The following WWC1 variants were observed in gnomAD, a reference collection of about 807,000 sequenced individuals.
WWC1 encodes protein KIBRA.
In WWC1, 55 loss-of-function variants were observed where a neutral mutation model predicts 138.4. The observed-to-expected ratio is 0.40, with a 90% CI of 0.32 to 0.50. WWC1 has a LOEUF of 0.50. WWC1 is among the 20% of genes least tolerant of loss of function. The pLI is 0.72. For synonymous variants in WWC1, 524 were observed against 564.9 expected, an observed-to-expected ratio of 0.93 and a Z score of 1.03; for missense variants, 1,226 against 1,420.4, an observed-to-expected ratio of 0.86 and a Z score of 2.20.
At chr5:168,414,896 C>G (rs1435664579) in intron 9 of WWC1, 3 of 315,614 alleles carry the variant, frequency 9.5e-6, no homozygotes, top group Non-Finnish European at 1.7e-5. Flanking sequence ...TTAAAGCAGT[C>G]ATTTTCCAAC....
rs1175057360 is a variant in WWC1, at chr5:168,292,987, C to T, written c.119+716C>T. 6.6e-6 allele frequency among the ~76,000 whole-genome samples: 1 copy of T among 152,098 alleles called. No individual in the cohort carries two copies. The highest frequency in any genetic ancestry group is 1.5e-5 in the Non-Finnish European group (1 of 68,010). On this transcript the variant is annotated intron_variant, in intron 1 of 22. Coordinates refer to ENST00000265293, the MANE Select transcript of WWC1 (RefSeq NM_015238.3). The surrounding 1 kb of genome is among the most constrained non-coding windows in gnomAD (Gnocchi z 4.4). ...TGAGAGGCCTCCCGGAAAGCCTTGC[C>T]CCTCGCCTCTTTCTCCTCTCTTTCT... is the stretch of plus-strand genomic sequence containing the variant.
intron 1 of WWC1, among the ~76,000 whole-genome samples, chr5:168,361,787 G>A (rs936649079): frequency 6.6e-6 from 1 of 152,172 alleles, no homozygotes. Context: ...GGGCAGCAGT[G>A]TGAAAAATAA....
chr5:168,414,243 C>G lies in WWC1; in HGVS notation c.942-105C>G, dbSNP rs1780424645. Reference sequence around the variant, plus strand: ...AGATGACAAGCTGATCAAAGGAAGACAGTAACTGTCAAAGATTGCTCTGAG... The same window carrying G: ...AGATGACAAGCTGATCAAAGGAAGAGAGTAACTGTCAAAGATTGCTCTGAG... On this transcript the variant is annotated intron_variant, in intron 8 of 22. Coordinates refer to ENST00000265293, the MANE Select transcript of WWC1 (RefSeq NM_015238.3). 4.1e-6 allele frequency: 6 copies of G among 1,467,102 alleles called. No individual in the cohort carries two copies. In the African/African-American group the frequency reaches 7.0e-5, roughly 17 times the overall value. The allele number at this position is 1,467,102 out of a possible 1,614,324, so 90.9% of individuals were successfully genotyped here.
At position 168,432,227 on chromosome 5, in the gene WWC1, ATCTT is replaced by A. The variant is rs1352948265; in HGVS notation, c.2280+785_2280+788del. 1.4e-4 allele frequency among the ~76,000 whole-genome samples: 21 copies of A among 152,232 alleles called. No individual in the cohort carries two copies. In the East Asian group the frequency reaches 3.9e-3, roughly 28 times the overall value. ...TGCCTCCATCATGCCCACTGGAAGA[ATCTT>A]TATAAGGATTGAGATAGCACCCGTA... On this transcript the variant is annotated intron_variant, in intron 15 of 22. Transcript: ENST00000265293.
At chr5:168,328,883 T>G (rs974902852) in intron 1 of WWC1, among the ~76,000 whole-genome samples, 33 of 152,280 alleles carry the variant, frequency 2.2e-4, no homozygotes, top group African/African-American at 6.0e-4. Context: ...TTGCATGACC[T>G]CGGTGTCTGG....
chr5:168,332,809 A>C (rs1773150414), intron 1 of WWC1, among the ~76,000 whole-genome samples: 1 of 152,002 alleles, frequency 6.6e-6, no homozygotes, highest in Non-Finnish European at 1.5e-5. Context: ...CCCAGACTCA[A>C]GCCATCCTCC....
rs1777953332 is a variant in WWC1 at position 168,385,263 on chromosome 5, T to A, written c.282T>A (p.His94Gln). 1 of 1,613,930 alleles carries A rather than the reference T, an allele frequency of 6.2e-7. No individual in the cohort carries two copies. Among genetic ancestry groups the A allele is most frequent in the South Asian group, 1.1e-5 (1 of 91,078 alleles). The change falls in exon 3 of 23, where the codon CAT becomes CAA. Residue 94 changes from histidine (H) to glutamine (Q), a missense_variant. Coordinates refer to ENST00000265293, the MANE Select transcript of WWC1 (RefSeq NM_015238.3). ...PRVQWRREQE[H>Q]MLKDYLVVAQ... ...TACAATGGCGGCGGGAGCAGGAACA[T>A]ATGCTGAAGGATTACCTGGTGGTGG...
chr5:168,427,721 A>C (rs2152857085), intron 11 of WWC1, among the ~76,000 whole-genome samples: 1 of 151,818 alleles, frequency 6.6e-6, no homozygotes, highest in South Asian at 2.1e-4. Flanking sequence ...TGGAAGGCCA[A>C]AGCAGGCAGA....
chr5:168,328,258 A>G (rs974060651), intron 1 of WWC1, among the ~76,000 whole-genome samples: 6 of 152,088 alleles, frequency 3.9e-5, no homozygotes, highest in Non-Finnish European at 8.8e-5. Flanking sequence ...CCAGCGAGCT[A>G]ATCAGGTAAA....
chr5:168,325,062 A>G (rs920785688), intron 1 of WWC1, among the ~76,000 whole-genome samples: 20 of 152,224 alleles, frequency 1.3e-4, no homozygotes, highest in Non-Finnish European at 2.8e-4. Flanking sequence ...TCCTCATTCC[A>G]GTCCTGATCT....
chr5:168,306,744 G>A (rs1410100394), intron 1 of WWC1, among the ~76,000 whole-genome samples: 1 of 152,102 alleles, frequency 6.6e-6, no homozygotes, highest in African/African-American at 2.4e-5. Context: ...TTATAGGCAT[G>A]CACCACCACA....
chr5:168,355,322 C>T (rs945472750), intron 1 of WWC1, among the ~76,000 whole-genome samples: 1 of 151,834 alleles, frequency 6.6e-6, no homozygotes, highest in Non-Finnish European at 1.5e-5. Flanking sequence ...GTTGAAACCT[C>T]GTCTCCACTA....
Position 168,296,545 on chromosome 5 carries a change from C to A in WWC1, c.119+4274C>A, listed in dbSNP as rs562727452. On this transcript the variant is annotated intron_variant, in intron 1 of 22. Transcript: ENST00000265293. ...ACCTCCTGGACCCCAGGTTCATAAC[C>A]CCTGCCATAGATAAGCTTGGAAATT... 2.0e-5 allele frequency among the ~76,000 whole-genome samples: 3 copies of A among 152,258 alleles called. No homozygotes were observed. In the South Asian group the frequency reaches 6.2e-4, roughly 32 times the overall value.
At chr5:168,426,273 C>G (rs1018159178) in intron 11 of WWC1, among the ~76,000 whole-genome samples, 1 of 152,120 alleles carries the variant, frequency 6.6e-6, no homozygotes, top group Non-Finnish European at 1.5e-5. Context: ...GAAAATTGTT[C>G]CCTGGAGAGG....
At chr5:168,398,131 T>C (rs1779049379) in intron 4 of WWC1, among the ~76,000 whole-genome samples, 2 of 151,976 alleles carry the variant, frequency 1.3e-5, no homozygotes, top group Non-Finnish European at 2.9e-5. Context: ...TGAGACAGAG[T>C]CTCGCTCTGT....
chr5:168,297,853 G>A (rs1463859446), intron 1 of WWC1, among the ~76,000 whole-genome samples: 2 of 151,956 alleles, frequency 1.3e-5, no homozygotes, highest in South Asian at 2.1e-4. Context: ...GTTTTTGATT[G>A]TATAGACCAG....
intron 2 of WWC1, among the ~76,000 whole-genome samples, chr5:168,380,077 T>G (rs1777500783): frequency 6.6e-6 from 1 of 152,188 alleles, no homozygotes. Flanking sequence ...AAGCCACAGA[T>G]AAGGAGACAA....
intron 2 of WWC1, among the ~76,000 whole-genome samples, chr5:168,381,401 G>A (rs1402497896): frequency 1.3e-5 from 2 of 152,172 alleles, no homozygotes; most frequent in Non-Finnish European, 2.9e-5. Flanking sequence ...CACCTGGGCA[G>A]GCGATTCCAC....
chr5:168,470,514 A>G lies in WWC1; in HGVS notation c.*1497A>G. 1 of 143,432 alleles carries G rather than the reference A, an allele frequency of 7.0e-6. No homozygotes were observed. The highest frequency in any genetic ancestry group is 1.5e-5 in the Non-Finnish European group (1 of 66,220). 8.9% of individuals were successfully genotyped at this position (143,432 alleles called of 1,614,324 possible). On this transcript the variant is annotated 3_prime_UTR_variant, in exon 23 of 23. Coordinates refer to ENST00000265293, the MANE Select transcript of WWC1 (RefSeq NM_015238.3). ...ACTCCAGCCTGGGTGACAGAGCAAG[A>G]CTCCGTCTCAAAAAAAAAAAAAAAA...
Sources: gnomAD v4.1 joint callset for allele counts (sites outside exome capture counted in the v4.1 genomes callset) on GRCh38, gnomAD v4.1.1 for gene constraint, Gnocchi (gnomAD v3.1) non-coding constraint, MANE v1.5 for transcripts, NCBI Gene and HGNC (gene_info 2026-07-23, HGNC 2026-07-21) for gene names.